Variants in PPFIA2 observed in about 807,000 individuals in gnomAD.
The protein encoded by PPFIA2 is PPFI scaffold protein A2.
A neutral mutation model predicts 175.5 loss-of-function variants in PPFIA2; 46 were observed. That is an observed-to-expected ratio of 0.26 (90% CI 0.21 to 0.34). The LOEUF is 0.34. PPFIA2 is among the 10% of genes least tolerant of loss of function. The probability of loss-of-function intolerance (pLI) is 1.00; values close to 1 mark genes in which losing one functional copy is unlikely to be tolerated. For synonymous variants in PPFIA2, 568 were observed against 511.4 expected (o/e 1.11, Z -1.49); for missense variants, 1,179 against 1,506.1 (o/e 0.78, Z 3.60).
chr12:81,480,196 G>A (rs1566997131), intron 4 of PPFIA2, among the ~76,000 whole-genome samples: 2 of 151,774 alleles, frequency 1.3e-5, no homozygotes, highest in South Asian at 2.1e-4. Context: ...CCACTTGATC[G>A]ATTTCACTAT....
intron 24 of PPFIA2, among the ~76,000 whole-genome samples, chr12:81,285,723 G>GTA (rs1452762019): frequency 6.6e-6 from 1 of 152,084 alleles, no homozygotes; most frequent in East Asian, 1.9e-4. Context: ...TCGTCTAAAA[G>GTA]TATAGCACGT....
At chr12:81,323,291 G>C (rs2054074822) in intron 22 of PPFIA2, among the ~76,000 whole-genome samples, 1 of 152,036 alleles carries the variant, frequency 6.6e-6, no homozygotes, top group Non-Finnish European at 1.5e-5. Flanking sequence ...AGTGAGCATA[G>C]CTCTGTTAAG....
In PPFIA2 at chr12:81,415,612, G is replaced by GT. The variant is rs1184479518; in HGVS notation, c.646-9710dup. On this transcript the variant is annotated intron_variant, in intron 7 of 32. Transcript: ENST00000549396. ...TCCTCTTTAAATTAATATTTAAAGG[G>GT]TTTTTTAAAAAAGAAATCTTCCTAA... Among the ~76,000 whole-genome samples, 94 of 149,522 alleles carry GT rather than the reference G, an allele frequency of 6.3e-4. 1 individual carries two copies. The highest frequency in any genetic ancestry group is 1.2e-3 in the Non-Finnish European group (78 of 66,990).
rs944813614 is a variant in PPFIA2, at chr12:81,474,731, A to G, written c.304-16865T>C. On this transcript the variant is annotated intron_variant, in intron 4 of 32. Transcript: ENST00000549396. ...GACTGTATTCTTTAAAAATCCTGTA[A>G]TACACTTCATAAGCAAAAATTGTTA... Among the ~76,000 whole-genome samples, 11 of 152,204 alleles carry G rather than the reference A, an allele frequency of 7.2e-5. No individual in the cohort carries two copies. The East Asian group carries it at 7.7e-4, about 11-fold the overall frequency.
chr12:81,292,595 G>C (rs376408730), intron 24 of PPFIA2: 1 of 151,912 alleles, frequency 6.6e-6, no homozygotes, highest in Admixed American at 6.6e-5. Flanking sequence ...TTTATTGTAC[G>C]AATGGAGCAT....
intron 7 of PPFIA2, among the ~76,000 whole-genome samples, chr12:81,417,750 T>C (rs2045563725): frequency 6.6e-6 from 1 of 151,626 alleles, no homozygotes; most frequent in African/African-American, 2.4e-5. Context: ...CAAAATAATG[T>C]CAGTATGAGA....
intron 3 of PPFIA2, among the ~76,000 whole-genome samples, chr12:81,721,213 A>T (rs1027779183): frequency 2.0e-5 from 3 of 151,198 alleles, no homozygotes; most frequent in Non-Finnish European, 4.4e-5. Flanking sequence ...ACTGTGGAGA[A>T]TCTTTCATGT....
chr12:81,654,847 GCTT>G (rs962360746), intron 4 of PPFIA2, among the ~76,000 whole-genome samples: 11 of 152,192 alleles, frequency 7.2e-5, no homozygotes, highest in Non-Finnish European at 1.0e-4. Flanking sequence ...CTTGGGAAGC[GCTT>G]CTTCTTTTTA....
chr12:81,364,956 G>C (rs1220807576), intron 14 of PPFIA2, among the ~76,000 whole-genome samples: 1 of 151,686 alleles, frequency 6.6e-6, no homozygotes, highest in African/African-American at 2.4e-5. Context: ...TGGGAGTGGG[G>C]TGAGAATAGA....
At chr12:81,344,358 CTATAT>C (rs1323467554) in intron 19 of PPFIA2, among the ~76,000 whole-genome samples, 1 of 148,934 alleles carries the variant, frequency 6.7e-6, no homozygotes, top group African/African-American at 2.4e-5. Context: ...AACATTTGTA[CTATAT>C]TATATTAATA....
intron 22 of PPFIA2, 63 bp downstream of exon 22, chr12:81,325,714 C>T (rs1270135647): frequency 2.5e-6 from 3 of 1,193,074 alleles, no homozygotes; most frequent in Admixed American, 3.9e-5. Flanking sequence ...TTTTTAATTC[C>T]CTATAAATAA....
At chr12:81,683,560 G>A (rs941141827) in intron 3 of PPFIA2, among the ~76,000 whole-genome samples, 3 of 151,888 alleles carry the variant, frequency 2.0e-5, no homozygotes, top group Non-Finnish European at 4.4e-5. Context: ...GTATGATTTG[G>A]CTCTTGGCTA....
chr12:81,749,375 C>T lies in PPFIA2; in HGVS notation c.249+4598G>A, dbSNP rs943629757. ...CTGAGAGCCAAACTTTTTTCCCCAT[C>T]CCCTTTACAAACATATGTAGCTATT... On this transcript the variant is annotated intron_variant, in intron 3 of 32. Transcript: ENST00000549396. 2.1e-5 allele frequency among the ~76,000 whole-genome samples: 3 copies of T among 143,814 alleles called. 1 individual carries two copies. Among genetic ancestry groups the T allele is most frequent in the Non-Finnish European group, 4.7e-5 (3 of 64,220 alleles). The allele number at this position is 143,814 out of a possible 152,430, so 94.3% of individuals were successfully genotyped here.
intron 4 of PPFIA2, among the ~76,000 whole-genome samples, chr12:81,639,533 T>C (rs2064649085): frequency 6.7e-6 from 1 of 148,742 alleles, no homozygotes. Flanking sequence ...AAAGAACATC[T>C]ACTCGGTAAA....
intron 4 of PPFIA2, among the ~76,000 whole-genome samples, chr12:81,563,441 G>A (rs746228054): frequency 7.2e-5 from 11 of 152,170 alleles, no homozygotes; most frequent in Non-Finnish European, 1.6e-4. Context: ...AAGTGGAAAA[G>A]CTTGTGGAAC....
chr12:81,376,021 GA>G (rs1390793141), intron 9 of PPFIA2, 79 bp from the exon 10 acceptor site: 13 of 1,325,704 alleles, frequency 9.8e-6, no homozygotes, highest in African/African-American at 1.5e-5. Flanking sequence ...AAATAAAAAA[GA>G]AACATAAAAA....
At chr12:81,337,795 T>C (rs1166950562) in intron 21 of PPFIA2, among the ~76,000 whole-genome samples, 1 of 152,096 alleles carries the variant, frequency 6.6e-6, no homozygotes. Context: ...CTGTAATATA[T>C]TGGATATGAC....
At chr12:81,535,773 G>A (rs1017398919) in intron 4 of PPFIA2, among the ~76,000 whole-genome samples, 3 of 151,564 alleles carry the variant, frequency 2.0e-5, no homozygotes, top group African/African-American at 7.3e-5. Context: ...TAGAAAACAG[G>A]AAAATTTACA....
chr12:81,485,869 G>A (rs1181534335), intron 4 of PPFIA2, among the ~76,000 whole-genome samples: 4 of 151,564 alleles, frequency 2.6e-5, no homozygotes, highest in Admixed American at 1.3e-4. Context: ...CATAATTTTT[G>A]GAACTAAATG....
Sources: allele counts gnomAD v4.1 joint callset (sites outside exome capture counted in the v4.1 genomes callset), GRCh38; gene constraint gnomAD v4.1.1; transcripts MANE v1.5; gene names NCBI Gene and HGNC (gene_info 2026-07-23, HGNC 2026-07-21).